The following CEMIP variants were observed in gnomAD, a reference collection of about 807,000 sequenced individuals.
The protein encoded by CEMIP is cell migration-inducing and hyaluronan-binding protein.
Under a neutral mutation model 156.9 loss-of-function variants are expected in CEMIP, and 105 were observed. The observed-to-expected ratio is 0.67, with a 90% CI of 0.57 to 0.79. The LOEUF (loss-of-function observed/expected upper bound fraction) is 0.79. Ranked by LOEUF, CEMIP falls within the 30% of genes least tolerant of loss-of-function variation. CEMIP has a pLI of 0.00. For missense variants in CEMIP, 1,457 were observed against 1,769.4 expected, an observed-to-expected ratio of 0.82 and a Z score of 3.17; for synonymous variants, 676 against 668.4, an observed-to-expected ratio of 1.01 and a Z score of -0.17.
chr15:80,886,343 T>C (rs1221979130), intron 7 of CEMIP, among the ~76,000 whole-genome samples: 1 of 152,076 alleles, frequency 6.6e-6, no homozygotes, highest in East Asian at 1.9e-4. Context: ...GACCTTCGAA[T>C]CTGTGCCAAG....
At chr15:80,894,521 A>T (rs1899143035) in intron 10 of CEMIP, among the ~76,000 whole-genome samples, 1 of 152,182 alleles carries the variant, frequency 6.6e-6, no homozygotes, top group Non-Finnish European at 1.5e-5. Flanking sequence ...TGCACCCCAG[A>T]CACAATCAAA....
intron 1 of CEMIP, among the ~76,000 whole-genome samples, chr15:80,791,894 G>A (rs758906021): frequency 3.9e-5 from 6 of 152,178 alleles, no homozygotes; most frequent in Admixed American, 2.0e-4. Context: ...CACCACGAAG[G>A]ATGCAGATTC....
At chr15:80,918,136 G>A (rs1157604471) in intron 14 of CEMIP, among the ~76,000 whole-genome samples, 2 of 152,164 alleles carry the variant, frequency 1.3e-5, no homozygotes, top group Admixed American at 6.5e-5. Flanking sequence ...TTAGTCATTC[G>A]TGGTGGTGCA....
intron 6 of CEMIP, 63 bp downstream of exon 6, chr15:80,881,199 C>T: frequency 7.0e-7 from 1 of 1,428,554 alleles, no homozygotes; most frequent in Non-Finnish European, 9.9e-7. Context: ...TGAGTGTGCT[C>T]CCTGGCCAGG....
intron 9 of CEMIP, among the ~76,000 whole-genome samples, chr15:80,889,234 CAAAG>C (rs1422568699): frequency 2.0e-5 from 3 of 152,210 alleles, no homozygotes; most frequent in Admixed American, 2.0e-4. Flanking sequence ...TTTGCAATAA[CAAAG>C]AATATAAATT....
intron 1 of CEMIP, among the ~76,000 whole-genome samples, chr15:80,872,021 C>T (rs1898311139): frequency 6.6e-6 from 1 of 152,176 alleles, no homozygotes; most frequent in Non-Finnish European, 1.5e-5. Flanking sequence ...CTCCCTCCCC[C>T]GGCCTCCCAA....
chr15:80,854,661 T>G (rs1172509429), intron 1 of CEMIP, among the ~76,000 whole-genome samples: 1 of 152,222 alleles, frequency 6.6e-6, no homozygotes, highest in African/African-American at 2.4e-5. Flanking sequence ...TTTGTATATG[T>G]TATCTCTTTG....
intron 19 of CEMIP, among the ~76,000 whole-genome samples, chr15:80,926,202 A>G (rs1008279976): frequency 6.6e-6 from 1 of 152,206 alleles, no homozygotes; most frequent in African/African-American, 2.4e-5. Context: ...GAATTTCCCA[A>G]GGTCACGCAG....
At chr15:80,896,521 ATTTG>A (rs1393076888) in intron 12 of CEMIP, among the ~76,000 whole-genome samples, 3 of 152,206 alleles carry the variant, frequency 2.0e-5, no homozygotes, top group Non-Finnish European at 4.4e-5. Flanking sequence ...GGAAGTGAAT[ATTTG>A]TTAGACAGTT....
At chr15:80,915,228 C>T (rs1900226754) in intron 14 of CEMIP, among the ~76,000 whole-genome samples, 1 of 152,236 alleles carries the variant, frequency 6.6e-6, no homozygotes, top group Non-Finnish European at 1.5e-5. Flanking sequence ...GTTAGTCCTA[C>T]AAAAGCAGTT....
chr15:80,841,245 G>C (rs371556638), intron 1 of CEMIP, among the ~76,000 whole-genome samples: 2 of 152,188 alleles, frequency 1.3e-5, no homozygotes, highest in African/African-American at 4.8e-5. Flanking sequence ...TATGCAGGAC[G>C]ACCTATACAC....
At chr15:80,882,705 A>C (rs532523992) in intron 6 of CEMIP, among the ~76,000 whole-genome samples, 1 of 152,302 alleles carries the variant, frequency 6.6e-6, no homozygotes, top group African/African-American at 2.4e-5. Flanking sequence ...AGATCTCAAT[A>C]ATCTGATAGA....
intron 1 of CEMIP, among the ~76,000 whole-genome samples, chr15:80,864,718 A>G (rs904510089): frequency 1.3e-5 from 2 of 152,212 alleles, no homozygotes; most frequent in African/African-American, 2.4e-5. Flanking sequence ...AGCCTGATAC[A>G]TTTTCAAATA....
At chr15:80,811,737 C>G (rs888118411) in intron 1 of CEMIP, among the ~76,000 whole-genome samples, 2 of 152,082 alleles carry the variant, frequency 1.3e-5, no homozygotes, top group South Asian at 4.1e-4. Flanking sequence ...TCTATGTCTT[C>G]GTAGAGATGG....
chr15:80,798,726 A>T (rs1896295812), intron 1 of CEMIP, among the ~76,000 whole-genome samples: 1 of 152,138 alleles, frequency 6.6e-6, no homozygotes, highest in South Asian at 2.1e-4. Context: ...AGTAGGTCTG[A>T]TCTCATTACA....
At chr15:80,920,407 G>C in intron 15 of CEMIP, 108 bp downstream of exon 15, 9 of 1,055,884 alleles carry the variant, frequency 8.5e-6, no homozygotes, top group Non-Finnish European at 1.1e-5. Context: ...TCGGGGCTCT[G>C]AGGAGCTTGG....
chr15:80,814,546 AC>A (rs1896747623), intron 1 of CEMIP, among the ~76,000 whole-genome samples: 1 of 152,250 alleles, frequency 6.6e-6, no homozygotes, highest in African/African-American at 2.4e-5. Context: ...GCTCAATGTC[AC>A]CCACTCTTAG....
At chr15:80,834,945 A>AT (rs1279596977) in intron 1 of CEMIP, among the ~76,000 whole-genome samples, 1 of 152,036 alleles carries the variant, frequency 6.6e-6, no homozygotes, top group Non-Finnish European at 1.5e-5. Context: ...TCAAAAAAAT[A>AT]TTTTTTTGCT....
intron 19 of CEMIP, among the ~76,000 whole-genome samples, 186 bp downstream of exon 19, chr15:80,925,941 A>G (rs1194270076): frequency 6.6e-6 from 1 of 151,986 alleles, no homozygotes; most frequent in African/African-American, 2.4e-5. Context: ...AACAAAACCT[A>G]AAAGCAGCAT....
Sources: gnomAD v4.1 joint callset for allele counts (sites outside exome capture counted in the v4.1 genomes callset) on GRCh38, gnomAD v4.1.1 for gene constraint, MANE v1.5 for transcripts, NCBI Gene and HGNC (gene_info 2026-07-23, HGNC 2026-07-21) for gene names.